The following UNC5C variants were observed in gnomAD, a reference collection of about 807,000 sequenced individuals.
UNC5C encodes netrin receptor UNC5C.
Under a neutral mutation model 99.8 loss-of-function variants are expected in UNC5C, and 47 were observed. The ratio of observed to expected loss-of-function variants is 0.47; its 90% confidence interval spans 0.37 to 0.60. The LOEUF is 0.60. Among genes scored for constraint, UNC5C ranks in the 20% least tolerant of loss-of-function variants. The probability of loss-of-function intolerance (pLI) is 0.00; values close to 1 mark genes in which losing one functional copy is unlikely to be tolerated. For synonymous variants in UNC5C, 487 were observed against 452.2 expected (o/e 1.08, Z -0.98); for missense variants, 1,062 against 1,165.9 (o/e 0.91, Z 1.30).
At chr4:95,182,850 T>G in intron 14 of UNC5C, 47 bp downstream of exon 14, 3 of 1,572,560 alleles carry the variant, frequency 1.9e-6, no homozygotes, top group Non-Finnish European at 2.6e-6. Context: ...TCTGTCTTCC[T>G]GAGTGTCGCA....
chr4:95,345,276 T>A (rs1380139340), intron 1 of UNC5C, among the ~76,000 whole-genome samples: 1 of 151,934 alleles, frequency 6.6e-6, no homozygotes, highest in Non-Finnish European at 1.5e-5. Flanking sequence ...TATAAAATGA[T>A]AAACGGGTCA....
intron 1 of UNC5C, among the ~76,000 whole-genome samples, chr4:95,493,276 G>T (rs1721547688): frequency 1.3e-5 from 2 of 151,324 alleles, no homozygotes; most frequent in South Asian, 4.2e-4. Context: ...GGAATTCCAG[G>T]CCAGAAATAA....
chr4:95,230,031 G>A (rs1056916224), intron 7 of UNC5C, among the ~76,000 whole-genome samples: 3 of 151,626 alleles, frequency 2.0e-5, no homozygotes, highest in Admixed American at 6.6e-5. Context: ...GGCTGGTCTC[G>A]AACTCCTGAC....
chr4:95,263,288 ATT>A (rs537241113), intron 4 of UNC5C, among the ~76,000 whole-genome samples: 1 of 152,070 alleles, frequency 6.6e-6, no homozygotes, highest in South Asian at 2.1e-4. Context: ...CCACTATTTA[ATT>A]TTTTTGATAA....
intron 7 of UNC5C, among the ~76,000 whole-genome samples, chr4:95,235,221 A>G (rs1348171516): frequency 2.6e-5 from 4 of 152,218 alleles, no homozygotes; most frequent in Non-Finnish European, 5.9e-5. Flanking sequence ...TTCCAAGACC[A>G]TGCTGTGGCC....
chr4:95,379,794 G>A (rs17023685), intron 1 of UNC5C, among the ~76,000 whole-genome samples: 3 of 152,014 alleles, frequency 2.0e-5, no homozygotes, highest in African/African-American at 7.2e-5. Flanking sequence ...CTTCTTAGGC[G>A]CGATAAGGAG....
At position 95,287,972 on chromosome 4, in the gene UNC5C, C is replaced by T. The variant is rs142410635; in HGVS notation, c.491-9610G>A. ...AGTTCCCAAAATAATCTGGCAATTC[C>T]CTTTACTGAAGGCCTGGAAACAATT... is the stretch of plus-strand genomic sequence containing the variant. On this transcript the variant is annotated intron_variant, in intron 3 of 15. Coordinates refer to ENST00000453304, the MANE Select transcript of UNC5C (RefSeq NM_003728.4). Among the ~76,000 whole-genome samples the T allele has an allele frequency of 5.3e-5, 8 of 152,138 alleles. No individual in the cohort carries two copies. The East Asian group carries it at 1.5e-3, about 29-fold the overall frequency.
chr4:95,184,149 G>A (rs1179886904), intron 13 of UNC5C, among the ~76,000 whole-genome samples: 1 of 152,152 alleles, frequency 6.6e-6, no homozygotes, highest in Non-Finnish European at 1.5e-5. Context: ...CTCCATCAAG[G>A]ACTGAGCTGT....
At chr4:95,432,761 T>C (rs1746667457) in intron 1 of UNC5C, among the ~76,000 whole-genome samples, 1 of 152,096 alleles carries the variant, frequency 6.6e-6, no homozygotes. Context: ...GGGAAATGTT[T>C]TCATTGAAAA....
At chr4:95,534,849 T>G (rs1252966904) in intron 1 of UNC5C, among the ~76,000 whole-genome samples, 1 of 152,114 alleles carries the variant, frequency 6.6e-6, no homozygotes, top group African/African-American at 2.4e-5. Flanking sequence ...GCTTGGAAAT[T>G]TCAGTTTAAT....
chr4:95,203,928 G>A (rs1439405013), intron 11 of UNC5C, among the ~76,000 whole-genome samples: 4 of 152,160 alleles, frequency 2.6e-5, no homozygotes, highest in East Asian at 1.9e-4. Flanking sequence ...GCTGAGCAGA[G>A]GATTGGCCAA....
At chr4:95,331,484 C>A (rs1193940597) in intron 2 of UNC5C, among the ~76,000 whole-genome samples, 2 of 152,018 alleles carry the variant, frequency 1.3e-5, no homozygotes, top group East Asian at 1.9e-4. Context: ...AGTATGTCAG[C>A]CTTTGGCTGG....
At chr4:95,180,065 C>T (rs1046937969) in intron 14 of UNC5C, among the ~76,000 whole-genome samples, 1 of 152,130 alleles carries the variant, frequency 6.6e-6, no homozygotes, top group Non-Finnish European at 1.5e-5. Flanking sequence ...CTTATGGCAT[C>T]AGTGGCACCA....
At chr4:95,292,121 A>G (rs1321173864) in intron 3 of UNC5C, among the ~76,000 whole-genome samples, 4 of 151,316 alleles carry the variant, frequency 2.6e-5, no homozygotes, top group Non-Finnish European at 5.9e-5. Flanking sequence ...TAAAAAAGTA[A>G]CACATAAGGC....
intron 2 of UNC5C, among the ~76,000 whole-genome samples, chr4:95,328,856 T>C (rs1743004723): frequency 1.3e-5 from 2 of 152,172 alleles, no homozygotes; most frequent in Non-Finnish European, 2.9e-5. Flanking sequence ...CAACTTCTAC[T>C]CACTGCTGCA....
At chr4:95,406,153 G>A (rs932250151) in intron 1 of UNC5C, among the ~76,000 whole-genome samples, 2 of 152,146 alleles carry the variant, frequency 1.3e-5, no homozygotes, top group African/African-American at 4.8e-5. Context: ...CGACTTTTAT[G>A]CTAGGTAAAG....
chr4:95,395,684 A>G (rs2149446643), intron 1 of UNC5C, among the ~76,000 whole-genome samples: 1 of 152,342 alleles, frequency 6.6e-6, no homozygotes, highest in East Asian at 1.9e-4. Context: ...TTTCTCCCAT[A>G]CAACAGTAGT....
At chr4:95,332,788 T>C in intron 2 of UNC5C, among the ~76,000 whole-genome samples, 1 of 151,032 alleles carries the variant, frequency 6.6e-6, no homozygotes, top group Non-Finnish European at 1.5e-5. Flanking sequence ...ACAGGCAACC[T>C]ACAAAATGGG....
chr4:95,179,885 T>A (rs1579203736), intron 14 of UNC5C, among the ~76,000 whole-genome samples: 1 of 152,318 alleles, frequency 6.6e-6, no homozygotes, highest in Admixed American at 6.5e-5. Context: ...CCTTCTTTTC[T>A]CTGGGAGCTA....
Sources: gnomAD v4.1 joint callset for allele counts (sites outside exome capture counted in the v4.1 genomes callset) on GRCh38, gnomAD v4.1.1 for gene constraint, MANE v1.5 for transcripts, NCBI Gene and HGNC (gene_info 2026-07-23, HGNC 2026-07-21) for gene names.